OR52N4: variants seen among roughly 807,000 people sequenced by gnomAD.
The protein encoded by OR52N4 is olfactory receptor family 52 subfamily N member 4.
OR52N4 carries 15 observed loss-of-function variants against 15.0 expected under a neutral mutation model. The observed-to-expected ratio is 1.00, with a 90% CI of 0.67 to 1.54. The LOEUF is 1.54. OR52N4 is among the 40% of genes most tolerant of loss of function. OR52N4 has a pLI of 0.00. For missense variants in OR52N4, 421 were observed against 394.0 expected, an observed-to-expected ratio of 1.07 and a Z score of -0.58; for synonymous variants, 143 against 143.7, an observed-to-expected ratio of 1.00 and a Z score of 0.03.
the OR52N4 span, among the ~76,000 whole-genome samples, chr11:5,734,798 TCTC>T: frequency 9.4e-4 from 143 of 152,154 alleles, 3 homozygotes; most frequent in East Asian, 9.4e-3. Flanking sequence ...CCTTCAGAAT[TCTC>T]CTCTAAAAGC....
upstream of OR52N4, among the ~76,000 whole-genome samples, chr11:5,752,110 C>T (rs965945102): frequency 1.7e-4 from 26 of 152,054 alleles, no homozygotes; most frequent in Non-Finnish European, 2.5e-4. Flanking sequence ...AATGCTGTTC[C>T]TACCACTTTG....
the OR52N4 span, among the ~76,000 whole-genome samples, chr11:5,746,935 A>C: frequency 5.3e-5 from 8 of 151,942 alleles, no homozygotes; most frequent in African/African-American, 1.9e-4. Flanking sequence ...GACAGGATAA[A>C]GAAAATGTGA....
chr11:5,751,092 T>C (rs936803183), upstream of OR52N4, among the ~76,000 whole-genome samples: 8 of 152,008 alleles, frequency 5.3e-5, no homozygotes, highest in Admixed American at 1.3e-4. Context: ...GCTAAGCGTT[T>C]TGTCTTCTCA....
the OR52N4 span, chr11:5,734,074 T>C: frequency 2.3e-6 from 1 of 441,426 alleles, no homozygotes; most frequent in Non-Finnish European, 4.5e-6. Context: ...TTTACTACTC[T>C]CCATAAATTT....
At chr11:5,738,455 T>A in the OR52N4 span, 1 of 96,632 alleles carries the variant, frequency 1.0e-5, no homozygotes, top group Non-Finnish European at 2.2e-5. Context: ...CATTATTTTT[T>A]AATATCCACT....
chr11:5,753,602 T>C (rs758790410), upstream of OR52N4, among the ~76,000 whole-genome samples: 3 of 152,182 alleles, frequency 2.0e-5, no homozygotes, highest in African/African-American at 4.8e-5. Context: ...CAAAACTTCA[T>C]TGACTTTTTT....
At chr11:5,730,769 A>G in the OR52N4 span, among the ~76,000 whole-genome samples, 1 of 151,024 alleles carries the variant, frequency 6.6e-6, no homozygotes, top group East Asian at 1.9e-4. Flanking sequence ...AATCCAGAAC[A>G]GTGTCAAGGC....
chr11:5,736,648 T>A, the OR52N4 span: 1 of 1,613,988 alleles, frequency 6.2e-7, no homozygotes, highest in Non-Finnish European at 8.5e-7. Flanking sequence ...CACTACTGTA[T>A]CTCTCAGCAC....
At chr11:5,736,433 ATAC>A in the OR52N4 span, 2 of 1,190,834 alleles carry the variant, frequency 1.7e-6, no homozygotes, top group East Asian at 2.3e-5. Flanking sequence ...GCTTAGAAAA[ATAC>A]TACAATTTTA....
chr11:5,731,272 G>A, the OR52N4 span, among the ~76,000 whole-genome samples: 13 of 152,064 alleles, frequency 8.5e-5, no homozygotes, highest in South Asian at 6.2e-4. Context: ...GCTGAGGGTC[G>A]GATAAGTTCC....
At chr11:5,728,163 C>T in the OR52N4 span, among the ~76,000 whole-genome samples, 6 of 152,168 alleles carry the variant, frequency 3.9e-5, no homozygotes, top group Admixed American at 3.3e-4. Flanking sequence ...GTCTGAATGA[C>T]CTTGGATATC....
At chr11:5,748,543 T>C in the OR52N4 span, among the ~76,000 whole-genome samples, 2 of 151,892 alleles carry the variant, frequency 1.3e-5, no homozygotes, top group African/African-American at 4.8e-5. Flanking sequence ...CATAATTCAT[T>C]TCTCTCACTT....
chr11:5,745,130 C>A, the OR52N4 span, among the ~76,000 whole-genome samples: 1 of 152,124 alleles, frequency 6.6e-6, no homozygotes, highest in Non-Finnish European at 1.5e-5. Flanking sequence ...CTCCCAGCAA[C>A]TGGAACAAGC....
At chr11:5,751,673 G>T (rs1854193774), upstream of OR52N4, among the ~76,000 whole-genome samples, 1 of 151,980 alleles carries the variant, frequency 6.6e-6, no homozygotes. Context: ...TTTTAAAATT[G>T]ACATTTATTG....
chr11:5,726,606 G>A, the OR52N4 span: 2 of 152,230 alleles, frequency 1.3e-5, no homozygotes, highest in Admixed American at 6.5e-5. Flanking sequence ...CCTGTGTGTG[G>A]CTTAGGCACA....
chr11:5,728,872 A>C, the OR52N4 span, among the ~76,000 whole-genome samples: 2 of 152,108 alleles, frequency 1.3e-5, no homozygotes, highest in Non-Finnish European at 2.9e-5. Flanking sequence ...CACTGGTTTT[A>C]ATTTTTTTAT....
At chr11:5,734,225 TCATAAG>T in the OR52N4 span, 1 of 456,048 alleles carries the variant, frequency 2.2e-6, no homozygotes, top group Non-Finnish European at 4.4e-6. Flanking sequence ...GAGTCTGTGT[TCATAAG>T]CAAGGTAAGT....
chr11:5,736,832 T>C, the OR52N4 span: 1,357,161 of 1,613,716 alleles, frequency 0.84, 573,688 homozygotes, highest in Non-Finnish European at 0.86. Context: ...CCTCCCTGAG[T>C]GCTTTGCTCA....
At chr11:5,731,741 T>C in the OR52N4 span, among the ~76,000 whole-genome samples, 1 of 152,264 alleles carries the variant, frequency 6.6e-6, no homozygotes, top group East Asian at 1.9e-4. Context: ...TCACCCCTCC[T>C]TTTTTCAGCA....
Sources: gnomAD v4.1 joint callset for allele counts (sites outside exome capture counted in the v4.1 genomes callset) on GRCh38, gnomAD v4.1.1 for gene constraint, MANE v1.5 for transcripts, NCBI Gene and HGNC (gene_info 2026-07-23, HGNC 2026-07-21) for gene names.